The following EDARADD variants were observed in gnomAD, a reference collection of about 807,000 sequenced individuals.
EDARADD encodes the protein ectodysplasin-A receptor-associated adapter protein.
EDARADD carries 20 observed loss-of-function variants against 25.6 expected under a neutral mutation model. The ratio of observed to expected loss-of-function variants is 0.78; its 90% CI spans 0.55 to 1.14. The LOEUF (loss-of-function observed/expected upper bound fraction) is 1.14, where lower values mean the gene tolerates loss of function less well. Ranked by LOEUF, EDARADD falls within the 50% of genes most tolerant of loss-of-function variation. EDARADD has a pLI of 0.00. For missense variants in EDARADD, 225 were observed against 270.1 expected (o/e 0.83, Z 1.17); for synonymous variants, 86 against 94.4 (o/e 0.91, Z 0.52).
intron 3 of EDARADD, among the ~76,000 whole-genome samples, chr1:236,355,971 A>G (rs1488758694): frequency 6.6e-6 from 1 of 152,142 alleles, no homozygotes. Context: ...ATCACAGGCA[A>G]AAAATATATA....
At chr1:236,379,466 G>A (rs565701331) in intron 3 of EDARADD, among the ~76,000 whole-genome samples, 5 of 151,770 alleles carry the variant, frequency 3.3e-5, no homozygotes, top group Non-Finnish European at 7.4e-5. Flanking sequence ...TTGAAATACC[G>A]GTGATAGGCA....
chr1:236,456,626 G>A (rs1254322019), intron 4 of EDARADD, among the ~76,000 whole-genome samples: 1 of 152,010 alleles, frequency 6.6e-6, no homozygotes, highest in African/African-American at 2.4e-5. Context: ...CCACAGGAAT[G>A]GCCACGCCTC....
At chr1:236,374,048 C>A (rs888273515) in intron 3 of EDARADD, among the ~76,000 whole-genome samples, 2 of 151,840 alleles carry the variant, frequency 1.3e-5, no homozygotes, top group Non-Finnish European at 2.9e-5. Flanking sequence ...AATTTCTATT[C>A]TTTTAAATTT....
At position 236,452,177 on chromosome 1, in the gene EDARADD, C is replaced by T. The variant is rs191320750; in HGVS notation, c.220-16054C>T. ...TCCCCGCCCCTGCTGATAAGCACCC[C>T]CTAGTGGTGATCTTGACGCCCTCAT... On this transcript the variant is annotated intron_variant, in intron 4 of 5. Transcript: ENST00000334232. 1.2e-3 allele frequency among the ~76,000 whole-genome samples: 190 copies of T among 152,324 alleles called. 1 individual carries two copies. Among genetic ancestry groups the T allele is most frequent in the African/African-American group, 4.3e-3 (180 of 41,558 alleles).
intron 5 of EDARADD, among the ~76,000 whole-genome samples, chr1:236,478,480 G>A (rs944046759): frequency 6.6e-6 from 1 of 150,950 alleles, no homozygotes; most frequent in South Asian, 2.1e-4. Context: ...ATATATATAT[G>A]TGTATATATG....
At chr1:236,440,601 G>A (rs1203097390) in intron 4 of EDARADD, among the ~76,000 whole-genome samples, 1 of 151,286 alleles carries the variant, frequency 6.6e-6, no homozygotes, top group Non-Finnish European at 1.5e-5. Context: ...CAAATTGAAG[G>A]TTTGTGGCAA....
rs1667475104 is a variant in EDARADD at position 236,394,358 on chromosome 1, CCAGA to C, written c.-84_-81del. 7 of 1,438,990 alleles carry C rather than the reference CCAGA, an allele frequency of 4.9e-6. No individual in the cohort carries two copies. Among genetic ancestry groups the C allele is most frequent in the Non-Finnish European group, 6.8e-6 (7 of 1,022,416 alleles). 89.1% of individuals were successfully genotyped at this position (1,438,990 alleles called of 1,614,324 possible). A position where few individuals can be genotyped will look rare whatever the true frequency, so the allele number is the denominator to read the frequency against. On this transcript the variant is annotated 5_prime_UTR_variant, in exon 1 of 6. Coordinates refer to ENST00000334232, the MANE Select transcript of EDARADD (RefSeq NM_145861.4). ...TTTCATCTAGAAGGTTTGACTCTGG[CCAGA>C]CAACCAGCGAGCATCTTCTCGCAAT...
intron 4 of EDARADD, among the ~76,000 whole-genome samples, chr1:236,451,870 G>A (rs115965714): frequency 0.011 from 1,742 of 152,216 alleles, 32 homozygotes; most frequent in African/African-American, 0.038. Flanking sequence ...TGCACTTCCA[G>A]CTGAATTTTT....
intron 4 of EDARADD, among the ~76,000 whole-genome samples, chr1:236,441,593 C>T (rs564415437): frequency 2.0e-5 from 3 of 150,300 alleles, no homozygotes; most frequent in South Asian, 2.1e-4. Flanking sequence ...GTGCGATCTC[C>T]GCTCACTGCA....
intron 2 of EDARADD, among the ~76,000 whole-genome samples, chr1:236,410,217 G>C (rs2103008494): frequency 6.6e-6 from 1 of 152,036 alleles, no homozygotes; most frequent in East Asian, 1.9e-4. Flanking sequence ...GTACCTAATA[G>C]GTAATTTTTC....
chr1:236,453,634 T>C lies in EDARADD; in HGVS notation c.220-14597T>C, dbSNP rs140781897. On this transcript the variant is annotated intron_variant, in intron 4 of 5. Coordinates refer to ENST00000334232, the MANE Select transcript of EDARADD (RefSeq NM_145861.4). ...TCTGTGTTTAGATATGTATTTACCA[T>C]TGTGTTGCAGTTGCCTACAGTATTC... Among the ~76,000 whole-genome samples the C allele has an allele frequency of 2.4e-3, 363 of 152,306 alleles. 1 individual carries two copies. The highest frequency in any genetic ancestry group is 8.0e-3 in the African/African-American group (333 of 41,572).
At chr1:236,472,684 TTC>T (rs200290667) in intron 5 of EDARADD, among the ~76,000 whole-genome samples, 6,984 of 152,218 alleles carry the variant, frequency 0.046, 202 homozygotes, top group East Asian at 0.078. Context: ...AGCTATTCTA[TTC>T]ATTGTTGCAT....
intron 1 of EDARADD, among the ~76,000 whole-genome samples, chr1:236,401,187 T>TA (rs368351602): frequency 2.5e-3 from 326 of 132,662 alleles, no homozygotes; most frequent in African/African-American, 3.3e-3. Flanking sequence ...CTGTCTCAAA[T>TA]AAAAAAAAAA....
intron 1 of EDARADD, among the ~76,000 whole-genome samples, chr1:236,404,212 T>C (rs1437695603): frequency 6.6e-6 from 1 of 152,136 alleles, no homozygotes; most frequent in Admixed American, 6.5e-5. Flanking sequence ...AAACAAACAT[T>C]TTAAAGCTTC....
intron 3 of EDARADD, among the ~76,000 whole-genome samples, chr1:236,377,794 G>A (rs910392984): frequency 6.6e-6 from 1 of 151,772 alleles, no homozygotes; most frequent in Non-Finnish European, 1.5e-5. Flanking sequence ...GGAGGCAGAG[G>A]TTGCAGTGAG....
intron 4 of EDARADD, among the ~76,000 whole-genome samples, chr1:236,447,110 TCTTC>T (rs780268270): frequency 9.2e-5 from 14 of 152,088 alleles, no homozygotes; most frequent in East Asian, 3.8e-4. Flanking sequence ...TTCTTTTCTT[TCTTC>T]CTTCCTTCCT....
chr1:236,470,606 A>T (rs1273507435), intron 5 of EDARADD, among the ~76,000 whole-genome samples: 1 of 151,344 alleles, frequency 6.6e-6, no homozygotes, highest in Non-Finnish European at 1.5e-5. Context: ...TTTTTTTGTT[A>T]TTTTTTTTGT....
At position 236,439,438 on chromosome 1, in the gene EDARADD, A is replaced by T. The variant is rs184050227; in HGVS notation, c.219+11988A>T. On this transcript the variant is annotated intron_variant, in intron 4 of 5. Transcript: ENST00000334232. Reference sequence around the variant, plus strand: ...AAGATGCCGCCAAACTGTCTTCCAAAGTGGCTGTACCATTTTGCATTCCCA... The same window carrying T: ...AAGATGCCGCCAAACTGTCTTCCAATGTGGCTGTACCATTTTGCATTCCCA... 7.9e-3 allele frequency among the ~76,000 whole-genome samples: 1,207 copies of T among 152,330 alleles called. 14 individuals are homozygous for T. The highest frequency in any genetic ancestry group is 0.027 in the African/African-American group (1,143 of 41,570).
chr1:236,472,817 C>T (rs532855820), intron 5 of EDARADD, among the ~76,000 whole-genome samples: 1 of 152,296 alleles, frequency 6.6e-6, no homozygotes, highest in African/African-American at 2.4e-5. Context: ...TTAGCAAGCT[C>T]AGTAACCTGT....
Sources: allele counts gnomAD v4.1 joint callset (sites outside exome capture counted in the v4.1 genomes callset), GRCh38; gene constraint gnomAD v4.1.1; transcripts MANE v1.5; gene names NCBI Gene and HGNC (gene_info 2026-07-23, HGNC 2026-07-21).